Variants in CDH8 observed in about 807,000 individuals in gnomAD.
CDH8 encodes cadherin 8, also known as cadherin-8.
CDH8 carries 17 observed loss-of-function variants against 68.1 expected under a neutral mutation model. The ratio of observed to expected loss-of-function variants is 0.25; its 90% CI spans 0.17 to 0.37. The LOEUF (loss-of-function observed/expected upper bound fraction) is 0.37. CDH8 is among the 10% of genes least tolerant of loss of function. The pLI, the probability that CDH8 is intolerant of heterozygous loss-of-function variation, is 1.00. For missense variants in CDH8, 763 were observed against 999.3 expected, an observed-to-expected ratio of 0.76 and a Z score of 3.19; for synonymous variants, 372 against 365.1, an observed-to-expected ratio of 1.02 and a Z score of -0.21.
At chr16:61,887,168 C>T (rs747694895) in intron 3 of CDH8, among the ~76,000 whole-genome samples, 1 of 152,056 alleles carries the variant, frequency 6.6e-6, no homozygotes, top group Non-Finnish European at 1.5e-5. Flanking sequence ...AGTAGGAGGA[C>T]CAATTTTGAG....
chr16:61,711,664 A>G (rs1169647334), intron 10 of CDH8: 1 of 151,744 alleles, frequency 6.6e-6, no homozygotes, highest in Non-Finnish European at 1.5e-5. Flanking sequence ...AGGAAGAGGA[A>G]CATAGAGTAT....
At chr16:61,690,440 A>C (rs4261531) in intron 10 of CDH8, among the ~76,000 whole-genome samples, 64,104 of 151,804 alleles carry the variant, frequency 0.42, 14,328 homozygotes, top group African/African-American at 0.54. Context: ...TATAAGCTCT[A>C]CTATTTCACA....
At chr16:61,906,749 T>A (rs1408960999) in intron 2 of CDH8, among the ~76,000 whole-genome samples, 1 of 152,168 alleles carries the variant, frequency 6.6e-6, no homozygotes, top group Non-Finnish European at 1.5e-5. Context: ...CCATTTATTT[T>A]CAAAACAATG....
chr16:61,765,486 CT>C, intron 8 of CDH8, among the ~76,000 whole-genome samples: 1 of 151,930 alleles, frequency 6.6e-6, no homozygotes, highest in East Asian at 1.9e-4. Flanking sequence ...TTGGTTGTGT[CT>C]GGGTAAAATG....
At chr16:61,910,757 A>G (rs1659574207) in intron 2 of CDH8, among the ~76,000 whole-genome samples, 1 of 152,164 alleles carries the variant, frequency 6.6e-6, no homozygotes, top group African/African-American at 2.4e-5. Flanking sequence ...TATAATGATG[A>G]GTCTGCCCAA....
intron 3 of CDH8, among the ~76,000 whole-genome samples, chr16:61,882,154 C>T (rs1484691357): frequency 6.6e-6 from 1 of 152,146 alleles, no homozygotes; most frequent in African/African-American, 2.4e-5. Flanking sequence ...CCTTTCTAAC[C>T]ATTGCCAAAA....
intron 10 of CDH8, among the ~76,000 whole-genome samples, chr16:61,698,137 T>G (rs1964361883): frequency 1.3e-5 from 2 of 152,242 alleles, no homozygotes; most frequent in Admixed American, 1.3e-4. Flanking sequence ...CATTCACTCA[T>G]TTAACAGTCT....
At chr16:61,761,700 AT>A (rs1471460149) in intron 8 of CDH8, among the ~76,000 whole-genome samples, 1 of 152,058 alleles carries the variant, frequency 6.6e-6, no homozygotes, top group African/African-American at 2.4e-5. Context: ...TTTGTATAAC[AT>A]TTTTATAATG....
intron 8 of CDH8, among the ~76,000 whole-genome samples, chr16:61,738,773 G>A (rs540383914): frequency 6.6e-6 from 1 of 152,150 alleles, no homozygotes. Flanking sequence ...TCTATACCGT[G>A]CATACAAATG....
intron 8 of CDH8, among the ~76,000 whole-genome samples, chr16:61,782,492 G>T (rs1388280749): frequency 6.6e-6 from 1 of 152,078 alleles, no homozygotes; most frequent in Non-Finnish European, 1.5e-5. Context: ...CAAACTGCAA[G>T]GCAGCAGCGA....
chr16:61,851,670 C>A (rs201910887), intron 4 of CDH8, among the ~76,000 whole-genome samples: 6 of 109,538 alleles, frequency 5.5e-5, no homozygotes, highest in South Asian at 3.3e-4. Context: ...AAAAAAAAAA[C>A]ATTTTAAGAA....
At chr16:61,875,610 G>C (rs186166808) in intron 3 of CDH8, among the ~76,000 whole-genome samples, 2 of 152,162 alleles carry the variant, frequency 1.3e-5, no homozygotes, top group Admixed American at 6.5e-5. Context: ...AGTGAGGTAA[G>C]ATAATTACAA....
At chr16:61,731,904 G>T (rs554245053) in intron 8 of CDH8, among the ~76,000 whole-genome samples, 11 of 151,568 alleles carry the variant, frequency 7.3e-5, no homozygotes, top group Non-Finnish European at 1.5e-4. Context: ...ATCAAGTAGA[G>T]AATATCAATA....
intron 2 of CDH8, among the ~76,000 whole-genome samples, chr16:61,962,749 C>T (rs2150572432): frequency 6.6e-6 from 1 of 152,294 alleles, no homozygotes; most frequent in Non-Finnish European, 1.5e-5. Flanking sequence ...AGCCTTTCTT[C>T]ACATCCAACC....
At chr16:61,898,710 G>A (rs1056567034) in intron 3 of CDH8, among the ~76,000 whole-genome samples, 3 of 152,102 alleles carry the variant, frequency 2.0e-5, no homozygotes, top group East Asian at 3.9e-4. Flanking sequence ...ATGAGATGAT[G>A]CATTAAGATT....
intron 2 of CDH8, among the ~76,000 whole-genome samples, chr16:61,946,861 T>G (rs188972794): frequency 1.7e-4 from 26 of 152,310 alleles, no homozygotes; most frequent in African/African-American, 6.3e-4. Flanking sequence ...CTAAACTGAA[T>G]AGCAATACTT....
chr16:61,965,527 T>C (rs1283016023), intron 2 of CDH8, among the ~76,000 whole-genome samples: 1 of 152,188 alleles, frequency 6.6e-6, no homozygotes, highest in Non-Finnish European at 1.5e-5. Flanking sequence ...AACCCAACTT[T>C]CTGTAAGGTT....
intron 8 of CDH8, among the ~76,000 whole-genome samples, chr16:61,763,489 A>C (rs905331715): frequency 3.3e-5 from 5 of 152,194 alleles, no homozygotes; most frequent in Non-Finnish European, 1.5e-5. Context: ...CCAAGTCTAC[A>C]GAATGCACAC....
chr16:61,944,914 G>A (rs1964777687), intron 2 of CDH8, among the ~76,000 whole-genome samples: 2 of 152,028 alleles, frequency 1.3e-5, no homozygotes, highest in Non-Finnish European at 2.9e-5. Flanking sequence ...CATAGATATA[G>A]GTATAGATAT....
Sources: gnomAD v4.1 joint callset for allele counts (sites outside exome capture counted in the v4.1 genomes callset) on GRCh38, gnomAD v4.1.1 for gene constraint, MANE v1.5 for transcripts, NCBI Gene and HGNC (gene_info 2026-07-23, HGNC 2026-07-21) for gene names.